The following PCDH9 variants were observed in gnomAD, a reference collection of about 807,000 sequenced individuals.
The protein encoded by PCDH9 is protocadherin 9.
In PCDH9, 24 loss-of-function variants were observed where a neutral mutation model predicts 70.6. The observed-to-expected ratio is 0.34, with a 90% CI of 0.25 to 0.48. The LOEUF (loss-of-function observed/expected upper bound fraction) is 0.48, where lower values mean the gene tolerates loss of function less well. Ranked by LOEUF, PCDH9 falls within the 20% of genes least tolerant of loss-of-function variation. The probability of loss-of-function intolerance (pLI) is 0.99; values close to 1 mark genes in which losing one functional copy is unlikely to be tolerated. For synonymous variants in PCDH9, 562 were observed against 558.5 expected, an observed-to-expected ratio of 1.01 and a Z score of -0.09; for missense variants, 1,281 against 1,503.6, an observed-to-expected ratio of 0.85 and a Z score of 2.45.
intron 3 of PCDH9, among the ~76,000 whole-genome samples, chr13:66,731,528 T>A (rs113752859): frequency 6.6e-6 from 1 of 152,138 alleles, no homozygotes; most frequent in South Asian, 2.1e-4. Flanking sequence ...ATGAAAATTA[T>A]CTATATGGTA....
At chr13:66,614,166 G>A (rs1467552920) in intron 4 of PCDH9, among the ~76,000 whole-genome samples, 1 of 152,142 alleles carries the variant, frequency 6.6e-6, no homozygotes, top group African/African-American at 2.4e-5. Context: ...ACAGTAAAAT[G>A]TGCTTTTTAG....
intron 3 of PCDH9, among the ~76,000 whole-genome samples, chr13:66,744,258 T>C (rs944095771): frequency 6.6e-6 from 1 of 152,184 alleles, no homozygotes; most frequent in Non-Finnish European, 1.5e-5. Flanking sequence ...AAAGATACTT[T>C]ATGACCAGAT....
intron 2 of PCDH9, among the ~76,000 whole-genome samples, chr13:67,092,041 G>C (rs2086228769): frequency 6.6e-6 from 1 of 152,068 alleles, no homozygotes; most frequent in South Asian, 2.1e-4. Context: ...TAAGACCTTG[G>C]AGATACTCTA....
intron 2 of PCDH9, among the ~76,000 whole-genome samples, chr13:66,964,640 T>G (rs1255882446): frequency 6.6e-6 from 1 of 152,066 alleles, no homozygotes; most frequent in African/African-American, 2.4e-5. Context: ...TCTTCAGGAT[T>G]CTAACAAATT....
chr13:66,652,854 A>C (rs113013156), intron 3 of PCDH9, among the ~76,000 whole-genome samples: 6,214 of 152,236 alleles, frequency 0.041, 173 homozygotes, highest in Middle Eastern at 0.075. Context: ...TCCACAGTGA[A>C]CTCATTTTTG....
At chr13:66,520,758 A>G (rs1434428834) in intron 4 of PCDH9, among the ~76,000 whole-genome samples, 1 of 152,162 alleles carries the variant, frequency 6.6e-6, no homozygotes, top group Non-Finnish European at 1.5e-5. Flanking sequence ...ATTGAACCAT[A>G]TGATGCTTTG....
intron 2 of PCDH9, among the ~76,000 whole-genome samples, chr13:67,002,909 A>AT (rs923241694): frequency 8.8e-4 from 132 of 149,594 alleles, no homozygotes; most frequent in Admixed American, 2.1e-3. Context: ...AATTACTAGT[A>AT]TTTTTTTTTC....
intron 4 of PCDH9, among the ~76,000 whole-genome samples, chr13:66,400,519 C>A (rs1209298968): frequency 6.6e-6 from 1 of 152,068 alleles, no homozygotes; most frequent in East Asian, 1.9e-4. Context: ...CATACTATAT[C>A]CAGATACCTT....
At chr13:66,469,134 C>T (rs1217438845) in intron 4 of PCDH9, among the ~76,000 whole-genome samples, 1 of 152,090 alleles carries the variant, frequency 6.6e-6, no homozygotes, top group African/African-American at 2.4e-5. Context: ...TGAGACTGAA[C>T]TGTATCCATT....
At chr13:66,481,396 C>G (rs1368277608) in intron 4 of PCDH9, among the ~76,000 whole-genome samples, 1 of 152,002 alleles carries the variant, frequency 6.6e-6, no homozygotes, top group Non-Finnish European at 1.5e-5. Context: ...GCAGTACCCT[C>G]TAACAGAAAA....
At chr13:66,613,440 A>G (rs2077318057) in intron 4 of PCDH9, among the ~76,000 whole-genome samples, 1 of 152,112 alleles carries the variant, frequency 6.6e-6, no homozygotes, top group East Asian at 1.9e-4. Flanking sequence ...AGGCCCCTCA[A>G]CTGTCACTGT....
chr13:66,562,188 T>C (rs2076583574), intron 4 of PCDH9, among the ~76,000 whole-genome samples: 1 of 151,856 alleles, frequency 6.6e-6, no homozygotes, highest in South Asian at 2.1e-4. Flanking sequence ...AAGCATAAAA[T>C]ATATTTAAAA....
intron 4 of PCDH9, among the ~76,000 whole-genome samples, chr13:66,522,692 C>A (rs1323559158): frequency 6.6e-6 from 1 of 151,862 alleles, no homozygotes; most frequent in East Asian, 1.9e-4. Flanking sequence ...GGCTATGTGA[C>A]CACGGAGATA....
Position 66,421,394 on chromosome 13 carries a change from T to C in PCDH9, c.3341-116366A>G, listed in dbSNP as rs1242087502. ...TAATTGTCAGATTAACCAAGGTTGA[T>C]ATGAAGGAAAAAATGTTAAGGGCAG... On this transcript the variant is annotated intron_variant, in intron 4 of 4. Transcript: ENST00000377865. Among the ~76,000 whole-genome samples, 4 of 152,028 alleles carry C rather than the reference T, an allele frequency of 2.6e-5. No homozygotes were observed. In the East Asian group the frequency reaches 7.7e-4, roughly 29 times the overall value.
At chr13:66,356,904 T>G (rs1026288737) in intron 4 of PCDH9, among the ~76,000 whole-genome samples, 2 of 152,038 alleles carry the variant, frequency 1.3e-5, no homozygotes, top group Non-Finnish European at 2.9e-5. Context: ...CACACAGCTA[T>G]TGGGTAATCG....
chr13:66,434,285 A>G (rs1354980670), intron 4 of PCDH9, among the ~76,000 whole-genome samples: 1 of 151,926 alleles, frequency 6.6e-6, no homozygotes, highest in Non-Finnish European at 1.5e-5. Context: ...TTAAACATTA[A>G]TAAGGACCTG....
intron 2 of PCDH9, among the ~76,000 whole-genome samples, chr13:67,027,223 A>G (rs2139874705): frequency 6.6e-6 from 1 of 152,252 alleles, no homozygotes; most frequent in East Asian, 1.9e-4. Flanking sequence ...AGAGATATAG[A>G]TCAACGGAAC....
In PCDH9 at chr13:67,227,567, C is replaced by G. The variant is rs377631463; in HGVS notation, c.874G>C (p.Gly292Arg). The part of the protein sequence containing the change: ...GSNAEIRYIF[G>R]AQVAPATKRL... ...TTGGTTGCAGGGGCGACCTGGGCAC[C>G]AAAAATGTACCGGATTTCAGCATTA... is the stretch of plus-strand genomic sequence containing the variant. Residue 292 changes from glycine to arginine, a missense_variant, in exon 2 of 5, where the codon GGT (glycine) becomes CGT (arginine). By Grantham distance (125) the Gly-to-Arg change is moderately radical. Transcript: ENST00000377865. This position sits in a 1 kb window ranked among gnomAD's most constrained non-coding sequence, Gnocchi z 4.6. The G allele has an allele frequency of 1.2e-6, 2 of 1,613,906 alleles. No individual in the cohort carries two copies. Among genetic ancestry groups the G allele is most frequent in the African/African-American group, 2.7e-5 (2 of 74,876 alleles).
chr13:66,633,826 G>C lies in PCDH9; in HGVS notation c.3139-2415C>G, dbSNP rs547831557. Among the ~76,000 whole-genome samples the C allele has an allele frequency of 5.3e-5, 8 of 152,266 alleles. No homozygotes were observed. The East Asian group carries it at 1.5e-3, about 29-fold the overall frequency. On this transcript the variant is annotated intron_variant, in intron 3 of 4. Transcript: ENST00000377865. The stretch of plus-strand genomic sequence containing the variant: ...GAGATTTTTTAACATAGTTAACACT[G>C]TTTTAATGACGATATTTCTTCCTCA...
Sources: allele counts gnomAD v4.1 joint callset (sites outside exome capture counted in the v4.1 genomes callset), GRCh38; gene constraint gnomAD v4.1.1; non-coding constraint Gnocchi (gnomAD v3.1); transcripts MANE v1.5; gene names NCBI Gene and HGNC (gene_info 2026-07-23, HGNC 2026-07-21).